NABP2: variants seen among roughly 807,000 people sequenced by gnomAD.
NABP2 encodes nucleic acid binding protein 2.
A neutral mutation model predicts 22.7 loss-of-function variants in NABP2; 7 were observed. The observed-to-expected ratio is 0.31, with a 90% CI of 0.18 to 0.58. NABP2 has a LOEUF of 0.58. Ranked by LOEUF, NABP2 falls within the 20% of genes least tolerant of loss-of-function variation. The probability of loss-of-function intolerance (pLI) is 0.89; values close to 1 mark genes in which losing one functional copy is unlikely to be tolerated. For synonymous variants in NABP2, 107 were observed against 99.2 expected, an observed-to-expected ratio of 1.08 and a Z score of -0.47; for missense variants, 188 against 265.9, an observed-to-expected ratio of 0.71 and a Z score of 2.04.
chr12:56,226,400 A>G lies in NABP2; in HGVS notation c.417A>G (p.Gly139=). 1 of 1,613,184 alleles carries G rather than the reference A, an allele frequency of 6.2e-7. No homozygotes were observed. Among genetic ancestry groups the G allele is most frequent in the Non-Finnish European group, 8.5e-7 (1 of 1,179,970 alleles). ...SNPSASQPTT[G]PSAASPASEN... ...CTTCAGCTTCCCAGCCTACCACTGG[A>G]CCCTCTGCTGCCTCTCCAGGTAAAT... is the stretch of plus-strand genomic sequence containing the variant. Residue 139 remains glycine, a synonymous_variant, in exon 6 of 7, where the codon GGA becomes GGG. Coordinates refer to ENST00000267023, the MANE Select transcript of NABP2 (RefSeq NM_024068.4).
At chr12:56,225,253 G>A in intron 2 of NABP2, 120 bp from the exon 3 acceptor site, 1 of 1,374,680 alleles carries the variant, frequency 7.3e-7, no homozygotes, top group Non-Finnish European at 1.0e-6. Context: ...AGGGATTTGG[G>A]CTTTCCCCTG....
chr12:56,228,052 C>T (rs1001938558), intron 6 of NABP2, among the ~76,000 whole-genome samples: 3 of 151,778 alleles, frequency 2.0e-5, no homozygotes, highest in South Asian at 2.1e-4. Context: ...ATTAGCCAGG[C>T]GTGGTGGCTC....
In NABP2 at chr12:56,229,500, C is replaced by A; in HGVS notation, c.*287C>A. 2.6e-6 allele frequency: 1 copy of A among 380,750 alleles called. No homozygotes were observed. The highest frequency in any genetic ancestry group is 5.8e-5 in the East Asian group (1 of 17,210). 23.6% of individuals were successfully genotyped at this position (380,750 alleles called of 1,614,324 possible). On this transcript the variant is annotated 3_prime_UTR_variant, in exon 7 of 7. Coordinates refer to ENST00000267023, the MANE Select transcript of NABP2 (RefSeq NM_024068.4). ...TTGTAATCCCAGCACTTTGGGAAGC[C>A]GAGGTGGGCGGATCACCTGAGGTCG...
At chr12:56,225,980 T>G (rs1869742025) in intron 4 of NABP2, among the ~76,000 whole-genome samples, 199 bp from the exon 5 acceptor site, 1 of 152,014 alleles carries the variant, frequency 6.6e-6, no homozygotes, top group Non-Finnish European at 1.5e-5. Flanking sequence ...TTTTGTATTT[T>G]TTATAGGGAT....
Position 56,229,087 on chromosome 12 carries a change from T to TTGCCGGCCCCC in NABP2, c.510_511insTGCCGGCCCCC (p.Pro171CysfsTer66). On this transcript the variant is annotated frameshift_variant, in exon 7 of 7. Transcript: ENST00000267023. LOFTEE classifies it high-confidence loss of function. ...GTGGTGGCCCACATCCCCCTCATAC[T>TTGCCGGCCCCC]CCCTCCCACCCACCCAGCACCCGAA... The TTGCCGGCCCCC allele has an allele frequency of 4.0e-6, 6 of 1,512,332 alleles. No individual in the cohort carries two copies. Among genetic ancestry groups the TTGCCGGCCCCC allele is most frequent in the Non-Finnish European group, 5.4e-6 (6 of 1,102,002 alleles). The allele number at this position is 1,512,332 out of a possible 1,614,324, so 93.7% of individuals were successfully genotyped here. A position where few individuals can be genotyped will look rare whatever the true frequency, so the allele number is the denominator to read the frequency against.
At chr12:56,225,846 C>T in intron 4 of NABP2, 151 bp downstream of exon 4, 1 of 934,260 alleles carries the variant, frequency 1.1e-6, no homozygotes, top group Non-Finnish European at 1.6e-6. Flanking sequence ...GTCGCTCAGG[C>T]TGGAGTACAG....
upstream of NABP2, among the ~76,000 whole-genome samples, chr12:56,223,425 G>T (rs1869598627): frequency 1.3e-5 from 2 of 151,950 alleles, no homozygotes; most frequent in Non-Finnish European, 2.9e-5. Context: ...AGCCGAGGGT[G>T]GTAGTGCGAA....
Position 56,229,087 on chromosome 12 carries a change from T to TTGCCAACCCC in NABP2, c.510_511insTGCCAACCCC (p.Pro171CysfsTer33). On this transcript the variant is annotated frameshift_variant, in exon 7 of 7. Transcript: ENST00000267023. LOFTEE classifies it high-confidence loss of function. Reference sequence around the variant, plus strand: ...GTGGTGGCCCACATCCCCCTCATACTCCCTCCCACCCACCCAGCACCCGAA... The same window carrying TTGCCAACCCC: ...GTGGTGGCCCACATCCCCCTCATACTTGCCAACCCCCCCTCCCACCCACCCAGCACCCGAA... 4.0e-6 allele frequency: 6 copies of TTGCCAACCCC among 1,512,330 alleles called. No individual in the cohort carries two copies. The highest frequency in any genetic ancestry group is 5.4e-6 in the Non-Finnish European group (6 of 1,102,000). 93.7% of individuals were successfully genotyped at this position (1,512,330 alleles called of 1,614,324 possible).
chr12:56,226,732 A>ATTTTTTTTTTTTTTTTTTT lies in NABP2; in HGVS notation c.436+326_436+327insTTTTTTTTTTTTTTTTTTT, dbSNP rs10676452. Among the ~76,000 whole-genome samples the ATTTTTTTTTTTTTTTTTTT allele has an allele frequency of 3.1e-5, 2 of 64,624 alleles. 1 individual carries two copies. The highest frequency in any genetic ancestry group is 6.4e-5 in the Non-Finnish European group (2 of 31,426). The allele number at this position is 64,624 out of a possible 152,430, so 42.4% of individuals were successfully genotyped here. On this transcript the variant is annotated intron_variant, in intron 6 of 6. Coordinates refer to ENST00000267023, the MANE Select transcript of NABP2 (RefSeq NM_024068.4). ...AGGCACCTGCCACCATGCCCGGCTAATTTTTTTTTTTTTGAGATGGAGTCT... is the reference window on the plus strand; with the variant it reads ...AGGCACCTGCCACCATGCCCGGCTAATTTTTTTTTTTTTTTTTTTTTTTTTTTTTTTTGAGATGGAGTCT...
chr12:56,229,298 G>C lies in NABP2; in HGVS notation c.*85G>C. The C allele has an allele frequency of 1.3e-6, 2 of 1,488,364 alleles. No homozygotes were observed. Among genetic ancestry groups the C allele is most frequent in the Non-Finnish European group, 1.9e-6 (2 of 1,080,994 alleles). 92.2% of individuals were successfully genotyped at this position (1,488,364 alleles called of 1,614,324 possible). ...AGCCTTCCACTGATTGGCTGGTGTA[G>C]CAGTATTTTAGCCACTGAACTTCAG... On this transcript the variant is annotated 3_prime_UTR_variant, in exon 7 of 7. Coordinates refer to ENST00000267023, the MANE Select transcript of NABP2 (RefSeq NM_024068.4).
chr12:56,225,938 T>C (rs1279316333), intron 4 of NABP2, among the ~76,000 whole-genome samples: 1 of 152,154 alleles, frequency 6.6e-6, no homozygotes, highest in East Asian at 1.9e-4. Flanking sequence ...TAGCTGAGAC[T>C]ACAGGCGTGC....
rs970036969 is a variant in NABP2, at chr12:56,229,765, G to GAA, written c.*554_*555dup. 6 of 107,846 alleles carry GAA rather than the reference G, an allele frequency of 5.6e-5. No individual in the cohort carries two copies. The highest frequency in any genetic ancestry group is 1.7e-4 in the African/African-American group (6 of 35,338). The allele number at this position is 107,846 out of a possible 1,614,324, so 6.7% of individuals were successfully genotyped here. On this transcript the variant is annotated 3_prime_UTR_variant, in exon 7 of 7. Coordinates refer to ENST00000267023, the MANE Select transcript of NABP2 (RefSeq NM_024068.4). Reference sequence around the variant, plus strand: ...AAAAAGAAAGAAAGAAAGAAAGAAAGAAAGAAATGGCAGTTACCATCTGTT... The same window carrying GAA: ...AAAAAGAAAGAAAGAAAGAAAGAAAGAAAAAGAAATGGCAGTTACCATCTGTT...
chr12:56,226,060 C>T, intron 4 of NABP2, 119 bp from the exon 5 acceptor site: 1 of 892,836 alleles, frequency 1.1e-6, no homozygotes, highest in Non-Finnish European at 1.8e-6. Context: ...CTTCTGCCTC[C>T]CAAAGTGCTA....
At chr12:56,223,906 A>T (rs926517801), upstream of NABP2, among the ~76,000 whole-genome samples, 1 of 152,104 alleles carries the variant, frequency 6.6e-6, no homozygotes, top group South Asian at 2.1e-4. Context: ...CCTCCAGCCT[A>T]TGCCTCCCTA....
chr12:56,225,343 C>T, intron 2 of NABP2, 30 bp from the exon 3 acceptor site: 1 of 1,613,704 alleles, frequency 6.2e-7, no homozygotes, highest in Non-Finnish European at 8.5e-7. Context: ...TTTGACCATC[C>T]TCCCACCTCG....
Position 56,226,364 on chromosome 12 carries a change from C to G in NABP2, c.381C>G (p.Asn127Lys). The change falls in exon 6 of 7, where the codon AAC becomes AAG. Residue 127 changes from asparagine (N) to lysine (K), a missense_variant. Transcript: ENST00000267023. ...GTAATCTGTGCCTTCAGGTGCAGAA[C>G]GACAGCAACCCTTCAGCTTCCCAGC... ...TQQAPNKAVQNDSNPSASQPT... is the reference protein window; with the variant it reads ...TQQAPNKAVQKDSNPSASQPT... 3 of 1,613,862 alleles carry G rather than the reference C, an allele frequency of 1.9e-6. No individual in the cohort carries two copies. The highest frequency in any genetic ancestry group is 2.2e-5 in the East Asian group (1 of 44,884).
At chr12:56,228,333 C>A (rs915514335) in intron 6 of NABP2, among the ~76,000 whole-genome samples, 1 of 151,732 alleles carries the variant, frequency 6.6e-6, no homozygotes, top group Admixed American at 6.6e-5. Flanking sequence ...AGACTTCAGG[C>A]CCTTCCCCTT....
chr12:56,229,433 CT>C lies in NABP2; in HGVS notation c.*223del. ...GGACCCTCTGCCTGCTCTCTTTCCT[CT>C]TTAGAAATGGCAGTTACTGGCTGGG... On this transcript the variant is annotated 3_prime_UTR_variant, in exon 7 of 7. Coordinates refer to ENST00000267023, the MANE Select transcript of NABP2 (RefSeq NM_024068.4). The C allele has an allele frequency of 1.7e-6, 1 of 575,648 alleles. No homozygotes were observed. The highest frequency in any genetic ancestry group is 3.1e-6 in the Non-Finnish European group (1 of 324,452). The allele number at this position is 575,648 out of a possible 1,614,324, so 35.7% of individuals were successfully genotyped here. A position where few individuals can be genotyped will look rare whatever the true frequency, so the allele number is the denominator to read the frequency against.
upstream of NABP2, among the ~76,000 whole-genome samples, chr12:56,223,984 G>C (rs1869635922): frequency 6.6e-6 from 1 of 152,144 alleles, no homozygotes; most frequent in African/African-American, 2.4e-5. Context: ...TTAAATAGTC[G>C]AGAAATGAAG....
Sources: gnomAD v4.1 joint callset for allele counts (sites outside exome capture counted in the v4.1 genomes callset) on GRCh38, gnomAD v4.1.1 for gene constraint, MANE v1.5 for transcripts, NCBI Gene and HGNC (gene_info 2026-07-23, HGNC 2026-07-21) for gene names.